CSMD1: variants seen among roughly 807,000 people sequenced by gnomAD.
CSMD1 encodes CUB and Sushi multiple domains 1, also known as CUB and sushi domain-containing protein 1.
CSMD1 carries 213 observed loss-of-function variants against 417.5 expected under a neutral mutation model. That is an observed-to-expected ratio of 0.51 (90% CI 0.46 to 0.57). The LOEUF is 0.57. CSMD1 is among the 20% of genes least tolerant of loss of function. CSMD1 has a pLI of 0.00. For missense variants in CSMD1, 6,923 were observed against 4,529.7 expected (o/e 1.53, Z -15.17); for synonymous variants, 2,862 against 1,736.8 (o/e 1.65, Z -16.11).
intron 1 of CSMD1, among the ~76,000 whole-genome samples, chr8:4,642,415 G>C (rs565934211): frequency 6.6e-6 from 1 of 152,242 alleles, no homozygotes; most frequent in African/African-American, 2.4e-5. Flanking sequence ...TCCTCTCCCG[G>C]GCTGTTGCTC....
chr8:3,601,294 C>A (rs904985002), intron 8 of CSMD1, among the ~76,000 whole-genome samples: 6 of 152,220 alleles, frequency 3.9e-5, no homozygotes, highest in Admixed American at 3.9e-4. Context: ...GGAAACAAAT[C>A]AGCTGTCCTT....
At chr8:4,742,927 A>C (rs1673235) in intron 1 of CSMD1, among the ~76,000 whole-genome samples, 29,108 of 152,126 alleles carry the variant, frequency 0.19, 3,881 homozygotes, top group African/African-American at 0.38. Flanking sequence ...ATAAATTGTA[A>C]AAATGTATAA....
chr8:4,157,568 T>C (rs763422721), intron 3 of CSMD1, among the ~76,000 whole-genome samples: 2 of 152,116 alleles, frequency 1.3e-5, no homozygotes, highest in African/African-American at 2.4e-5. Flanking sequence ...CATTCCCCCG[T>C]ATTGCTAAGA....
intron 49 of CSMD1, 106 bp downstream of exon 49, chr8:3,086,991 T>G: frequency 9.5e-7 from 1 of 1,049,854 alleles, no homozygotes; most frequent in Non-Finnish European, 1.4e-6. Flanking sequence ...CATTCAATTT[T>G]TCCTTACCTT....
intron 5 of CSMD1, among the ~76,000 whole-genome samples, chr8:3,927,057 T>G (rs1809784367): frequency 1.3e-5 from 2 of 152,086 alleles, no homozygotes; most frequent in South Asian, 4.1e-4. Context: ...TATGTTTTTA[T>G]AAGAGGTAAT....
chr8:4,399,380 G>T (rs1245658203), intron 3 of CSMD1, among the ~76,000 whole-genome samples: 1 of 152,158 alleles, frequency 6.6e-6, no homozygotes, highest in African/African-American at 2.4e-5. Flanking sequence ...AATTAGAATA[G>T]AGTTTCAAAC....
At chr8:3,458,209 C>A (rs890592401) in intron 12 of CSMD1, among the ~76,000 whole-genome samples, 2 of 152,116 alleles carry the variant, frequency 1.3e-5, no homozygotes, top group African/African-American at 4.8e-5. Flanking sequence ...GTAGCTGGAG[C>A]TAACGGGCCA....
chr8:4,823,229 T>C (rs1799617271), intron 1 of CSMD1, among the ~76,000 whole-genome samples: 1 of 152,062 alleles, frequency 6.6e-6, no homozygotes, highest in African/African-American at 2.4e-5. Flanking sequence ...CTAAACTCTT[T>C]AATTGCCTAA....
chr8:3,810,219 A>T (rs184245411), intron 5 of CSMD1, among the ~76,000 whole-genome samples: 1 of 152,288 alleles, frequency 6.6e-6, no homozygotes, highest in African/African-American at 2.4e-5. Context: ...AGTCTTTGAC[A>T]GTATAGAGAA....
At chr8:3,169,885 G>T (rs73183556) in intron 37 of CSMD1, among the ~76,000 whole-genome samples, 14,984 of 152,106 alleles carry the variant, frequency 0.099, 1,024 homozygotes, top group East Asian at 0.23. Flanking sequence ...TTCCTGATGT[G>T]AGAATGGGCT....
chr8:4,486,160 T>A (rs1403452818), intron 2 of CSMD1, among the ~76,000 whole-genome samples: 26 of 21,406 alleles, frequency 1.2e-3, no homozygotes, highest in African/African-American at 4.2e-3. Context: ...TATATATACA[T>A]ACATATATAT....
chr8:4,775,917 C>T (rs547040202), intron 1 of CSMD1, among the ~76,000 whole-genome samples: 12 of 152,224 alleles, frequency 7.9e-5, no homozygotes, highest in South Asian at 2.1e-4. Flanking sequence ...AGTGGCACGC[C>T]GCAGCCATCC....
intron 1 of CSMD1, among the ~76,000 whole-genome samples, chr8:4,929,655 T>C (rs1044179222): frequency 6.6e-6 from 1 of 152,152 alleles, no homozygotes; most frequent in African/African-American, 2.4e-5. Context: ...AACTGACACA[T>C]CATTCTACAC....
At position 3,334,259 on chromosome 8, in the gene CSMD1, A is replaced by T. The variant is rs146199401; in HGVS notation, c.3631+9035T>A. Among the ~76,000 whole-genome samples, 5 of 152,190 alleles carry T rather than the reference A, an allele frequency of 3.3e-5. No homozygotes were observed. In the East Asian group the frequency reaches 9.6e-4, roughly 29 times the overall value. On this transcript the variant is annotated intron_variant, in intron 23 of 69. Coordinates refer to ENST00000635120, the MANE Select transcript of CSMD1 (RefSeq NM_033225.6). ...GACTCCAAATGATGGATTCTGACAT[A>T]CCCTGCTCTTCACCTTCAGGTTTGT... is the stretch of plus-strand genomic sequence containing the variant.
chr8:4,135,734 T>A (rs2130996404), intron 3 of CSMD1, among the ~76,000 whole-genome samples: 1 of 152,312 alleles, frequency 6.6e-6, no homozygotes, highest in South Asian at 2.1e-4. Flanking sequence ...CACCAATTTA[T>A]CATTTAAAGA....
At chr8:3,189,773 TTAC>T in intron 34 of CSMD1, 136 bp downstream of exon 34, 1 of 685,110 alleles carries the variant, frequency 1.5e-6, no homozygotes. Context: ...ACTAACTCAA[TTAC>T]TTCCCATGAA....
intron 2 of CSMD1, among the ~76,000 whole-genome samples, chr8:4,425,714 T>C (rs1219602012): frequency 6.6e-6 from 1 of 152,110 alleles, no homozygotes; most frequent in Non-Finnish European, 1.5e-5. Flanking sequence ...CATAGTAAAT[T>C]ACGAAACATT....
chr8:4,323,298 A>G (rs536536478), intron 3 of CSMD1, among the ~76,000 whole-genome samples: 2 of 152,278 alleles, frequency 1.3e-5, no homozygotes, highest in East Asian at 3.9e-4. Context: ...CTTATTTCAC[A>G]CAGTCTTACT....
Position 3,406,150 on chromosome 8 carries a change from G to C in CSMD1, c.2143C>G (p.Leu715Val), listed in dbSNP as rs763361198. Residue 715 changes from leucine (L) to valine (V), a missense_variant, in exon 15 of 70, where the codon CTC becomes GTC. Leu to Val is a conservative substitution (Grantham distance 32). Transcript: ENST00000635120. ...CAGTGGAAAGAAACCGAGCTCCCGAGTAGAAACCTGTCACCAAAACGTCGT... is the reference window on the plus strand; with the variant it reads ...CAGTGGAAAGAAACCGAGCTCCCGACTAGAAACCTGTCACCAAAACGTCGT... ...NGRRFGDRFL[L>V]GSSVSFHCDD... 109 of 1,613,546 alleles carry C rather than the reference G, an allele frequency of 6.8e-5. No homozygotes were observed. The highest frequency in any genetic ancestry group is 8.3e-5 in the Admixed American group (5 of 59,972).
Sources: allele counts gnomAD v4.1 joint callset (sites outside exome capture counted in the v4.1 genomes callset), GRCh38; gene constraint gnomAD v4.1.1; transcripts MANE v1.5; gene names NCBI Gene and HGNC (gene_info 2026-07-23, HGNC 2026-07-21).